Variants in LRRC38 observed in about 807,000 individuals in gnomAD.
The protein encoded by LRRC38 is leucine rich repeat containing 38.
In LRRC38, 5 loss-of-function variants were observed where a neutral mutation model predicts 16.4. That is an observed-to-expected ratio of 0.31 (90% confidence interval 0.16 to 0.64). The LOEUF (loss-of-function observed/expected upper bound fraction) is 0.64. Among genes scored for constraint, LRRC38 ranks in the 30% least tolerant of loss-of-function variants. The pLI is 0.80. For synonymous variants in LRRC38, 191 were observed against 190.2 expected, an observed-to-expected ratio of 1.00 and a Z score of -0.04; for missense variants, 341 against 401.8, an observed-to-expected ratio of 0.85 and a Z score of 1.29.
rs530154585 is a variant in LRRC38 at position 13,495,007 on chromosome 1, G to A, written c.631+17956C>T. ...CCCCTACGAGGCCAGGTTCTGAAGC[G>A]GGGAAGCTAAGTTTGGCTCAGCCTA... On this transcript the variant is annotated intron_variant, in intron 1 of 1. Transcript: ENST00000376085. Among the ~76,000 whole-genome samples the A allele has an allele frequency of 1.0e-3, 155 of 152,318 alleles. 1 individual carries two copies. Among genetic ancestry groups the A allele is most frequent in the Admixed American group, 3.5e-3 (54 of 15,296 alleles).
chr1:13,501,944 G>A (rs1410470077), intron 1 of LRRC38, among the ~76,000 whole-genome samples: 2 of 148,268 alleles, frequency 1.3e-5, no homozygotes, highest in Non-Finnish European at 3.0e-5. Context: ...TTTTTTTGGT[G>A]GGGGATGGAG....
intron 1 of LRRC38, among the ~76,000 whole-genome samples, chr1:13,506,776 C>G (rs1027428215): frequency 6.6e-6 from 1 of 152,124 alleles, no homozygotes; most frequent in Non-Finnish European, 1.5e-5. Flanking sequence ...ATTTTTACAG[C>G]CCGCACCAGC....
At chr1:13,484,690 C>T (rs933830907) in intron 1 of LRRC38, among the ~76,000 whole-genome samples, 5 of 152,234 alleles carry the variant, frequency 3.3e-5, no homozygotes, top group South Asian at 2.1e-4. Context: ...GGTGGAAACT[C>T]TCATTGATCT....
chr1:13,481,446 C>A (rs912555550), intron 1 of LRRC38, among the ~76,000 whole-genome samples: 2 of 150,720 alleles, frequency 1.3e-5, no homozygotes, highest in African/African-American at 4.9e-5. Context: ...GGCTGGAGTG[C>A]ACTGGCATGA....
intron 1 of LRRC38, among the ~76,000 whole-genome samples, chr1:13,510,210 G>A (rs920903585): frequency 8.5e-5 from 13 of 152,152 alleles, no homozygotes; most frequent in Non-Finnish European, 1.5e-4. Context: ...CAGAAGGCCT[G>A]CCTAGAAAGC....
In LRRC38 at chr1:13,481,801, CTCTCT is replaced by C. The variant is rs1638872807; in HGVS notation, c.632-5707_632-5703del. Among the ~76,000 whole-genome samples the C allele has an allele frequency of 8.0e-4, 100 of 124,428 alleles. 2 individuals are homozygous for C. Among genetic ancestry groups the C allele is most frequent in the African/African-American group, 2.8e-3 (95 of 34,510 alleles). The allele number at this position is 124,428 out of a possible 152,430, so 81.6% of individuals were successfully genotyped here. A position where few individuals can be genotyped will look rare whatever the true frequency, so the allele number is the denominator to read the frequency against. On this transcript the variant is annotated intron_variant, in intron 1 of 1. Coordinates refer to ENST00000376085, the MANE Select transcript of LRRC38 (RefSeq NM_001010847.2). ...TCTCCCTCTCTCCCTCTCTCTCTCT[CTCTCT>C]CTCTCTCTCTCTCTCTCTCTGCCAT...
At chr1:13,483,792 G>A (rs376543515) in intron 1 of LRRC38, among the ~76,000 whole-genome samples, 37 of 152,242 alleles carry the variant, frequency 2.4e-4, no homozygotes, top group African/African-American at 7.7e-4. Context: ...GGCCACGTAC[G>A]TGCTCGAGAA....
chr1:13,498,867 T>G (rs1569930739), intron 1 of LRRC38, among the ~76,000 whole-genome samples: 2 of 152,094 alleles, frequency 1.3e-5, no homozygotes, highest in South Asian at 4.1e-4. Context: ...GCAGCGCTGG[T>G]TCTCTCCAGG....
chr1:13,491,744 C>T (rs545881361), intron 1 of LRRC38, among the ~76,000 whole-genome samples: 3 of 152,174 alleles, frequency 2.0e-5, no homozygotes, highest in East Asian at 3.9e-4. Context: ...GGCGACATCT[C>T]GGCTCACTGC....
chr1:13,508,309 G>A (rs1471099930), intron 1 of LRRC38, among the ~76,000 whole-genome samples: 1 of 152,158 alleles, frequency 6.6e-6, no homozygotes, highest in East Asian at 1.9e-4. Flanking sequence ...GGTTTCCACA[G>A]ACTTTCCATG....
intron 1 of LRRC38, among the ~76,000 whole-genome samples, chr1:13,476,449 C>G (rs1638790747): frequency 6.6e-6 from 1 of 152,144 alleles, no homozygotes; most frequent in South Asian, 2.1e-4. Flanking sequence ...CTGCCTCAGC[C>G]TCCCAAGTAG....
intron 1 of LRRC38, among the ~76,000 whole-genome samples, chr1:13,496,794 G>A (rs953807857): frequency 6.6e-6 from 1 of 152,146 alleles, no homozygotes; most frequent in Non-Finnish European, 1.5e-5. Context: ...TGTATAACAT[G>A]ACCCATAGGG....
At chr1:13,491,451 C>T (rs954223475) in intron 1 of LRRC38, among the ~76,000 whole-genome samples, 12 of 152,178 alleles carry the variant, frequency 7.9e-5, no homozygotes, top group East Asian at 5.8e-4. Context: ...CTCAGTCTCC[C>T]GAGTGACTGG....
chr1:13,494,421 A>G (rs879727217), intron 1 of LRRC38, among the ~76,000 whole-genome samples: 1 of 96,962 alleles, frequency 1.0e-5, no homozygotes, highest in Non-Finnish European at 2.1e-5. Flanking sequence ...TTTTTTTTCC[A>G]TTTCTTCCTT....
At chr1:13,510,292 T>C (rs1229915854) in intron 1 of LRRC38, among the ~76,000 whole-genome samples, 1 of 152,174 alleles carries the variant, frequency 6.6e-6, no homozygotes, top group Non-Finnish European at 1.5e-5. Context: ...GAGGAGGTAC[T>C]GGGAGCTAGG....
intron 1 of LRRC38, among the ~76,000 whole-genome samples, chr1:13,483,847 C>T (rs1311445303): frequency 1.3e-5 from 2 of 151,722 alleles, no homozygotes; most frequent in East Asian, 3.9e-4. Context: ...TCAGACTGAG[C>T]CTGCGTTTGA....
chr1:13,500,372 A>G (rs560956074), intron 1 of LRRC38, among the ~76,000 whole-genome samples: 3 of 152,318 alleles, frequency 2.0e-5, no homozygotes, highest in South Asian at 4.1e-4. Flanking sequence ...ACTCAAAGTC[A>G]TCTCTCTGCT....
chr1:13,512,931 C>CTCCT (rs1234558755), intron 1 of LRRC38, 32 bp downstream of exon 1: 7 of 1,404,098 alleles, frequency 5.0e-6, no homozygotes, highest in Non-Finnish European at 5.8e-6. Context: ...GCCCCCCTCC[C>CTCCT]TCCCTCCCCC....
chr1:13,498,815 T>C (rs1433665682), intron 1 of LRRC38, among the ~76,000 whole-genome samples: 1 of 152,142 alleles, frequency 6.6e-6, no homozygotes, highest in Non-Finnish European at 1.5e-5. Flanking sequence ...GAAATGCTTG[T>C]CTCAGAATTC....
Sources: gnomAD v4.1 joint callset for allele counts (sites outside exome capture counted in the v4.1 genomes callset) on GRCh38, gnomAD v4.1.1 for gene constraint, MANE v1.5 for transcripts, NCBI Gene and HGNC (gene_info 2026-07-23, HGNC 2026-07-21) for gene names.